The following HPSE2 variants were observed in gnomAD, a reference collection of about 807,000 sequenced individuals.
HPSE2 encodes the protein heparanase 2 (inactive), also known as inactive heparanase-2.
Under a neutral mutation model 60.5 loss-of-function variants are expected in HPSE2, and 38 were observed. That is an observed-to-expected ratio of 0.63 (90% CI 0.48 to 0.82). HPSE2 has a LOEUF of 0.82. Ranked by LOEUF, HPSE2 falls within the 40% of genes least tolerant of loss-of-function variation. HPSE2 has a pLI of 0.00. For synonymous variants in HPSE2, 295 were observed against 293.2 expected, an observed-to-expected ratio of 1.01 and a Z score of -0.06; for missense variants, 713 against 740.4, an observed-to-expected ratio of 0.96 and a Z score of 0.43.
At chr10:98,956,186 A>G (rs1955505564) in intron 3 of HPSE2, among the ~76,000 whole-genome samples, 1 of 152,210 alleles carries the variant, frequency 6.6e-6, no homozygotes, top group South Asian at 2.1e-4. Flanking sequence ...TCTGAAGACA[A>G]CACAGTAAAC....
intron 3 of HPSE2, among the ~76,000 whole-genome samples, chr10:98,752,247 A>C (rs1004102633): frequency 2.6e-5 from 4 of 152,224 alleles, no homozygotes; most frequent in African/African-American, 9.6e-5. Context: ...AAAAAGTCAG[A>C]AAAACTTGGG....
chr10:98,771,290 G>T (rs1950234980), intron 3 of HPSE2, among the ~76,000 whole-genome samples: 1 of 152,236 alleles, frequency 6.6e-6, no homozygotes, highest in South Asian at 2.1e-4. Flanking sequence ...ATGCTATCAG[G>T]GCTATATTGG....
intron 2 of HPSE2, among the ~76,000 whole-genome samples, chr10:99,211,552 G>A (rs1848954059): frequency 6.6e-6 from 1 of 151,970 alleles, no homozygotes; most frequent in South Asian, 2.1e-4. Context: ...GCCAGAAATG[G>A]AGCCACACAT....
At chr10:99,030,253 T>C (rs553435392) in intron 3 of HPSE2, among the ~76,000 whole-genome samples, 51 of 152,382 alleles carry the variant, frequency 3.3e-4, no homozygotes, top group African/African-American at 1.2e-3. Flanking sequence ...TTTATTATAC[T>C]GGAACAGCTC....
chr10:99,256,395 A>AAC, the HPSE2 span, among the ~76,000 whole-genome samples: 1 of 1,588 alleles, frequency 6.3e-4, no homozygotes, highest in Non-Finnish European at 1.7e-3. Context: ...CCCCTACAAG[A>AAC]TGACTCACCA....
chr10:99,136,366 G>C (rs909159307), intron 3 of HPSE2, among the ~76,000 whole-genome samples: 3 of 152,112 alleles, frequency 2.0e-5, no homozygotes, highest in African/African-American at 7.2e-5. Flanking sequence ...CAGAAAAAGA[G>C]GGAATCCTCC....
chr10:99,001,595 CA>C (rs1490404161), intron 3 of HPSE2, among the ~76,000 whole-genome samples: 1 of 151,522 alleles, frequency 6.6e-6, no homozygotes, highest in African/African-American at 2.4e-5. Flanking sequence ...TTTCTTTCAC[CA>C]AAAAAACTAC....
chr10:99,257,524 T>C, the HPSE2 span, among the ~76,000 whole-genome samples: 1 of 152,164 alleles, frequency 6.6e-6, no homozygotes, highest in African/African-American at 2.4e-5. Context: ...CCAGGCTTAT[T>C]AGGACGAGGA....
At chr10:98,893,099 C>T (rs1480139888) in intron 3 of HPSE2, among the ~76,000 whole-genome samples, 1 of 151,282 alleles carries the variant, frequency 6.6e-6, no homozygotes, top group African/African-American at 2.4e-5. Flanking sequence ...TGGAGTTTCG[C>T]TCTTGTTGCC....
intron 3 of HPSE2, among the ~76,000 whole-genome samples, chr10:99,112,790 A>T (rs1844521418): frequency 5.9e-5 from 9 of 152,224 alleles, no homozygotes; most frequent in Non-Finnish European, 1.5e-5. Context: ...AATGAAACAG[A>T]CAGAACACTA....
intron 6 of HPSE2, among the ~76,000 whole-genome samples, chr10:98,662,471 T>C (rs1465667507): frequency 6.6e-6 from 1 of 152,134 alleles, no homozygotes; most frequent in African/African-American, 2.4e-5. Flanking sequence ...AACCAAATAC[T>C]GCATGTTCTC....
intron 6 of HPSE2, among the ~76,000 whole-genome samples, chr10:98,667,464 A>G (rs568492962): frequency 6.6e-6 from 1 of 152,302 alleles, no homozygotes; most frequent in East Asian, 1.9e-4. Context: ...AATCTGGCAG[A>G]GACACAATGA....
chr10:98,562,047 C>G (rs1589424546), intron 9 of HPSE2, among the ~76,000 whole-genome samples: 1 of 151,140 alleles, frequency 6.6e-6, no homozygotes, highest in South Asian at 2.1e-4. Context: ...GGTAACTGCT[C>G]TATACAGGTG....
intron 9 of HPSE2, among the ~76,000 whole-genome samples, chr10:98,540,587 G>A (rs1048663609): frequency 1.3e-5 from 2 of 152,208 alleles, no homozygotes; most frequent in South Asian, 2.1e-4. Flanking sequence ...ACATTGAAAA[G>A]AGAACAGAAT....
chr10:99,087,551 G>A (rs1295381565), intron 3 of HPSE2, among the ~76,000 whole-genome samples: 1 of 152,134 alleles, frequency 6.6e-6, no homozygotes, highest in Non-Finnish European at 1.5e-5. Context: ...TCTCTTAGAT[G>A]TGCACACAAT....
chr10:98,970,038 T>C (rs1383893139), intron 3 of HPSE2, among the ~76,000 whole-genome samples: 2 of 151,942 alleles, frequency 1.3e-5, no homozygotes, highest in East Asian at 3.9e-4. Context: ...CTCAGCTCAC[T>C]GCAACCTCTG....
intron 9 of HPSE2, among the ~76,000 whole-genome samples, chr10:98,510,142 T>C (rs563056593): frequency 2.0e-5 from 3 of 152,366 alleles, no homozygotes; most frequent in African/African-American, 7.2e-5. Context: ...CATTTACTGA[T>C]AAATATGAAT....
At chr10:99,162,031 G>C (rs141047152) in intron 2 of HPSE2, among the ~76,000 whole-genome samples, 12 of 152,248 alleles carry the variant, frequency 7.9e-5, no homozygotes, top group South Asian at 2.1e-4. Context: ...TGAGGAGAAT[G>C]GGTATGAAGA....
chr10:99,306,781 C>G, the HPSE2 span, among the ~76,000 whole-genome samples: 10 of 152,190 alleles, frequency 6.6e-5, no homozygotes, highest in Non-Finnish European at 1.3e-4. Context: ...GCGATCTCGG[C>G]TCACTGCAAC....
Sources: allele counts gnomAD v4.1 joint callset (sites outside exome capture counted in the v4.1 genomes callset), GRCh38; gene constraint gnomAD v4.1.1; transcripts MANE v1.5; gene names NCBI Gene and HGNC (gene_info 2026-07-23, HGNC 2026-07-21).